Variants in ZSCAN30 observed in about 807,000 individuals in gnomAD.
ZSCAN30 encodes zinc finger and SCAN domain-containing protein 30.
Under a neutral mutation model 44.3 loss-of-function variants are expected in ZSCAN30, and 37 were observed. That is an observed-to-expected ratio of 0.84 (90% CI 0.64 to 1.10). The LOEUF (loss-of-function observed/expected upper bound fraction) is 1.10, where lower values mean the gene tolerates loss of function less well. Ranked by LOEUF, ZSCAN30 falls within the 50% of genes least tolerant of loss-of-function variation. The pLI is 0.00. For missense variants in ZSCAN30, 549 were observed against 582.6 expected, an observed-to-expected ratio of 0.94 and a Z score of 0.59; for synonymous variants, 181 against 204.6, an observed-to-expected ratio of 0.88 and a Z score of 0.98.
chr18:35,264,019 G>A lies in ZSCAN30; in HGVS notation c.334C>T (p.Arg112Trp), dbSNP rs758092044. The stretch of plus-strand genomic sequence containing the variant: ...ACAGCTTCCTCTCCATTCTCTGGCC[G>A]ATGCTCTCGCAGCCAAGCTTGCAGC... Reference protein sequence around the residue: ...EELQAWLREHRPENGEEAVTM... With the variant: ...EELQAWLREHWPENGEEAVTM... Residue 112 changes from arginine (R) to tryptophan (W), a missense_variant, in exon 2 of 4, where the codon CGG becomes TGG. Coordinates refer to ENST00000333206, the MANE Select transcript of ZSCAN30 (RefSeq NM_001112734.4). 11 of 1,614,196 alleles carry A rather than the reference G, an allele frequency of 6.8e-6. No homozygotes were observed. The highest frequency in any genetic ancestry group is 9.3e-6 in the Non-Finnish European group (11 of 1,180,036).
At position 35,265,060 on chromosome 18, in the gene ZSCAN30, G is replaced by A. The variant is rs1047827224; in HGVS notation, c.-103-605C>T. 7.2e-5 allele frequency among the ~76,000 whole-genome samples: 11 copies of A among 151,902 alleles called. 1 individual carries two copies. The South Asian group carries it at 1.2e-3, about 17-fold the overall frequency. ...ACTTGGGAGGCTGAGGCAGGAGAAT[G>A]GCATGAACCCGGGAGGGGGAGCTTG... On this transcript the variant is annotated intron_variant, in intron 1 of 3. Coordinates refer to ENST00000333206, the MANE Select transcript of ZSCAN30 (RefSeq NM_001112734.4).
rs1423874102 is a variant in ZSCAN30 at position 35,252,466 on chromosome 18, G to A, written c.*984C>T. On this transcript the variant is annotated 3_prime_UTR_variant, in exon 4 of 4. Transcript: ENST00000333206. ...TTGCAGGCCCTGAGCTATTATACTT[G>A]AGGGCAATAAATATTTGTTGAATTA... 1 of 152,128 alleles carries A rather than the reference G, an allele frequency of 6.6e-6. No individual in the cohort carries two copies. Among genetic ancestry groups the A allele is most frequent in the Non-Finnish European group, 1.5e-5 (1 of 68,026 alleles). 9.4% of individuals were successfully genotyped at this position (152,128 alleles called of 1,614,324 possible). A position where few individuals can be genotyped will look rare whatever the true frequency, so the allele number is the denominator to read the frequency against.
intron 1 of ZSCAN30, among the ~76,000 whole-genome samples, chr18:35,280,255 GAC>G: frequency 7.0e-6 from 1 of 142,868 alleles, no homozygotes; most frequent in Middle Eastern, 3.5e-3. Context: ...CGGCCTGGGT[GAC>G]ACAGTGATAC....
chr18:35,251,455 CAA>C lies in ZSCAN30; in HGVS notation c.*1993_*1994del, dbSNP rs1175509498. ...TCGATAACTGCACAACCTCTGGACA[CAA>C]AGAGGCCGAATTGTCCCCCCAATTT... On this transcript the variant is annotated 3_prime_UTR_variant, in exon 4 of 4. Transcript: ENST00000333206. The C allele has an allele frequency of 2.6e-5, 4 of 152,226 alleles. No individual in the cohort carries two copies. Among genetic ancestry groups the C allele is most frequent in the African/African-American group, 4.8e-5 (2 of 41,448 alleles). 9.4% of individuals were successfully genotyped at this position (152,226 alleles called of 1,614,324 possible). A position where few individuals can be genotyped will look rare whatever the true frequency, so the allele number is the denominator to read the frequency against.
At chr18:35,255,347 T>C in intron 3 of ZSCAN30, among the ~76,000 whole-genome samples, 1 of 151,824 alleles carries the variant, frequency 6.6e-6, no homozygotes, top group Non-Finnish European at 1.5e-5. Context: ...AAATGGCTGA[T>C]ATAACTTGAA....
chr18:35,263,340 A>T, intron 3 of ZSCAN30, 173 bp downstream of exon 3: 1 of 702,010 alleles, frequency 1.4e-6, no homozygotes, highest in East Asian at 2.7e-5. Context: ...GTTACAAATG[A>T]TACTGGAATT....
chr18:35,275,545 TAGG>T (rs1175255300), intron 1 of ZSCAN30, among the ~76,000 whole-genome samples: 6 of 152,196 alleles, frequency 3.9e-5, no homozygotes, highest in Non-Finnish European at 7.3e-5. Context: ...CATCTTAGCA[TAGG>T]AGAAGGGCCA....
intron 1 of ZSCAN30, chr18:35,283,249 G>A (rs2044491630): frequency 6.6e-6 from 1 of 152,102 alleles, no homozygotes; most frequent in African/African-American, 2.4e-5. Context: ...AAATTAGATA[G>A]ATGTGGTGGC....
At chr18:35,279,524 A>C (rs981518438) in intron 1 of ZSCAN30, among the ~76,000 whole-genome samples, 1 of 152,232 alleles carries the variant, frequency 6.6e-6, no homozygotes, top group African/African-American at 2.4e-5. Flanking sequence ...TCAGGCTGCT[A>C]TAACAAAAAA....
intron 1 of ZSCAN30, among the ~76,000 whole-genome samples, chr18:35,275,882 C>T (rs191305326): frequency 6.5e-4 from 99 of 152,198 alleles, no homozygotes; most frequent in African/African-American, 2.1e-3. Flanking sequence ...TTCTCTTCAA[C>T]GTTTGTTTTT....
chr18:35,257,949 G>A (rs753493012), intron 3 of ZSCAN30: 12 of 780,840 alleles, frequency 1.5e-5, no homozygotes, highest in Admixed American at 5.1e-5. Flanking sequence ...AGAACACATC[G>A]TCAATAAATC....
intron 1 of ZSCAN30, among the ~76,000 whole-genome samples, chr18:35,273,393 G>T (rs2044317788): frequency 6.6e-6 from 1 of 152,100 alleles, no homozygotes; most frequent in African/African-American, 2.4e-5. Context: ...TTTTAGGGCT[G>T]AATAATATTC....
intron 1 of ZSCAN30, among the ~76,000 whole-genome samples, chr18:35,264,660 T>C (rs1425937590): frequency 2.6e-5 from 4 of 152,184 alleles, no homozygotes; most frequent in Non-Finnish European, 4.4e-5. Flanking sequence ...TGAAATCAAT[T>C]TGGCCTTTAG....
intron 1 of ZSCAN30, among the ~76,000 whole-genome samples, chr18:35,278,414 G>A (rs138525514): frequency 1.2e-4 from 19 of 152,300 alleles, no homozygotes; most frequent in Non-Finnish European, 2.8e-4. Flanking sequence ...TGTTTCTGGT[G>A]ATAGCATTGT....
intron 3 of ZSCAN30, chr18:35,258,468 C>G (rs999668397): frequency 1.3e-5 from 2 of 156,148 alleles, no homozygotes; most frequent in African/African-American, 4.8e-5. Context: ...TCTTGATCCC[C>G]AAACTTCAGA....
At position 35,264,440 on chromosome 18, in the gene ZSCAN30, A is replaced by C. The variant is rs1455177031; in HGVS notation, c.-88T>G. 6.7e-6 allele frequency: 9 copies of C among 1,338,872 alleles called. No individual in the cohort carries two copies. The highest frequency in any genetic ancestry group is 2.9e-5 in the African/African-American group (2 of 68,310). 82.9% of individuals were successfully genotyped at this position (1,338,872 alleles called of 1,614,324 possible). Reference sequence around the variant, plus strand: ...TCTGAGAGATTCCTTCTGAATTCCAACTCCCCAGGACGCTCCTGAGGGTGG... The same window carrying C: ...TCTGAGAGATTCCTTCTGAATTCCACCTCCCCAGGACGCTCCTGAGGGTGG... On this transcript the variant is annotated 5_prime_UTR_variant, in exon 2 of 4. Transcript: ENST00000333206.
chr18:35,270,992 C>T (rs192186644), intron 1 of ZSCAN30, among the ~76,000 whole-genome samples: 3 of 152,274 alleles, frequency 2.0e-5, no homozygotes, highest in Non-Finnish European at 2.9e-5. Flanking sequence ...TCCTCCCGTC[C>T]GGAGTTGTTC....
At chr18:35,279,602 C>T (rs1339195081) in intron 1 of ZSCAN30, among the ~76,000 whole-genome samples, 2 of 152,180 alleles carry the variant, frequency 1.3e-5, no homozygotes, top group African/African-American at 2.4e-5. Context: ...CTGGAAAGTA[C>T]AAGATCAAGG....
chr18:35,281,983 G>A (rs2044464021), intron 1 of ZSCAN30: 1 of 151,908 alleles, frequency 6.6e-6, no homozygotes, highest in Admixed American at 6.6e-5. Context: ...CTGCCTACTG[G>A]TCAGCTGTGG....
Sources: gnomAD v4.1 joint callset for allele counts (sites outside exome capture counted in the v4.1 genomes callset) on GRCh38, gnomAD v4.1.1 for gene constraint, MANE v1.5 for transcripts, NCBI Gene and HGNC (gene_info 2026-07-23, HGNC 2026-07-21) for gene names.